Variants in SMARCB1 observed in about 807,000 individuals in gnomAD.
The protein encoded by SMARCB1 is SWI/SNF-related matrix-associated actin-dependent regulator of chromatin subfamily B member 1.
Under a neutral mutation model 49.0 loss-of-function variants are expected in SMARCB1, and 5 were observed. That is an observed-to-expected ratio of 0.10 (90% CI 0.05 to 0.21). The LOEUF (loss-of-function observed/expected upper bound fraction) is 0.21. SMARCB1 is among the 10% of genes least tolerant of loss of function. The pLI, the probability that SMARCB1 is intolerant of heterozygous loss-of-function variation, is 1.00. For missense variants in SMARCB1, 226 were observed against 509.2 expected (o/e 0.44, Z 5.35); for synonymous variants, 201 against 200.1 (o/e 1.00, Z -0.04).
chr22:23,801,194 C>T (rs763511466), intron 4 of SMARCB1, 113 bp downstream of exon 4: 2 of 1,445,152 alleles, frequency 1.4e-6, no homozygotes, highest in Middle Eastern at 3.4e-4. Flanking sequence ...GTGCTCCCCA[C>T]AACGCCACAG....
At chr22:23,789,529 G>C (rs1006104718) in intron 1 of SMARCB1, among the ~76,000 whole-genome samples, 1 of 152,148 alleles carries the variant, frequency 6.6e-6, no homozygotes, top group East Asian at 1.9e-4. Flanking sequence ...CCTTGCTGTC[G>C]TGTTTCTCAT....
In SMARCB1 at chr22:23,825,345, G is replaced by A; in HGVS notation, c.916G>A (p.Glu306Lys). 6.2e-7 allele frequency: 1 copy of A among 1,614,168 alleles called. No homozygotes were observed. Among genetic ancestry groups the A allele is most frequent in the South Asian group, 1.1e-5 (1 of 91,088 alleles). ...KLCSELGLGGEFVTTIAYSIR... is the reference protein window; with the variant it reads ...KLCSELGLGGKFVTTIAYSIR... The stretch of plus-strand genomic sequence containing the variant: ...GTGCTCGGAGCTGGGGTTGGGCGGG[G>A]AGTTTGTCACCACCATCGCATACAG... The change falls in exon 7 of 9, where the codon GAG becomes AAG. Residue 306 changes from glutamate (E) to lysine (K), a missense_variant. Transcript: ENST00000644036.
In SMARCB1 at chr22:23,801,059, A is replaced by G. The variant is rs2145978771; in HGVS notation, c.478A>G (p.Lys160Glu). The G allele has an allele frequency of 6.2e-7, 1 of 1,614,158 alleles. No individual in the cohort carries two copies. Among genetic ancestry groups the G allele is most frequent in the Non-Finnish European group, 8.5e-7 (1 of 1,180,012 alleles). The change falls in exon 4 of 9, where the codon AAG becomes GAG. Residue 160 changes from lysine to glutamate, a missense_variant. Transcript: ENST00000644036. ...TINRNRMGRD[K>E]KRTFPLCFDD... ...CAACAGGAACCGCATGGGCCGAGAC[A>G]AGAAGAGAACCTTCCCCCTTTGGTG...
At chr22:23,814,698 C>T (rs1232880417) in intron 5 of SMARCB1, among the ~76,000 whole-genome samples, 4 of 151,120 alleles carry the variant, frequency 2.6e-5, no homozygotes, top group African/African-American at 9.8e-5. Flanking sequence ...AGGCTGGGCA[C>T]AGTGGCTCAC....
intron 7 of SMARCB1, 70 bp downstream of exon 7, chr22:23,825,485 G>A (rs1869399860): frequency 9.5e-6 from 13 of 1,370,144 alleles, no homozygotes; most frequent in Admixed American, 1.8e-5. Context: ...ACTTCTCTGT[G>A]TGAGCGGTGA....
intron 3 of SMARCB1, among the ~76,000 whole-genome samples, chr22:23,798,581 G>T (rs1289211258): frequency 2.0e-5 from 3 of 152,086 alleles, no homozygotes; most frequent in African/African-American, 7.2e-5. Flanking sequence ...CAGCGATCAA[G>T]GGGTAGTCCC....
Position 23,825,391 on chromosome 22 carries a change from G to A in SMARCB1, c.962G>A (p.Trp321Ter). Residue 321 changes from tryptophan to a stop codon, truncating the protein, a stop_gained, in exon 7 of 9, where the codon TGG becomes TAG. Coordinates refer to ENST00000644036, the MANE Select transcript of SMARCB1 (RefSeq NM_003073.5). LOFTEE classifies it high-confidence loss of function. ...IAYSIRGQLS[W>*]HQKTYAFSEN... ...TACAGCATCCGGGGACAGCTGAGCTGGCATCAGAAGACCTACGCCTTCAGG... is the reference window on the plus strand; with the variant it reads ...TACAGCATCCGGGGACAGCTGAGCTAGCATCAGAAGACCTACGCCTTCAGG... 1 of 1,614,110 alleles carries A rather than the reference G, an allele frequency of 6.2e-7. No homozygotes were observed. Among genetic ancestry groups the A allele is most frequent in the Non-Finnish European group, 8.5e-7 (1 of 1,179,942 alleles).
chr22:23,832,937 G>A (rs1039680950), intron 7 of SMARCB1, among the ~76,000 whole-genome samples: 2 of 152,156 alleles, frequency 1.3e-5, no homozygotes, highest in Non-Finnish European at 2.9e-5. Flanking sequence ...GCAGAGTGTG[G>A]TCCGGGGATA....
intron 7 of SMARCB1, among the ~76,000 whole-genome samples, chr22:23,827,796 T>C (rs1305680049): frequency 6.6e-6 from 1 of 152,126 alleles, no homozygotes; most frequent in African/African-American, 2.4e-5. Flanking sequence ...GACAGGGCCT[T>C]AGGGTTGGGC....
At chr22:23,821,515 A>G (rs2030085920) in intron 6 of SMARCB1, among the ~76,000 whole-genome samples, 1 of 151,620 alleles carries the variant, frequency 6.6e-6, no homozygotes, top group Non-Finnish European at 1.5e-5. Flanking sequence ...AACTATAAGC[A>G]CGTACCACCA....
chr22:23,803,775 C>CT (rs1437321423), intron 5 of SMARCB1: 1 of 379,600 alleles, frequency 2.6e-6, no homozygotes, highest in African/African-American at 2.1e-5. Context: ...GTCCACCACT[C>CT]TGCTTCTGCT....
At chr22:23,802,301 T>G (rs1929210074) in intron 4 of SMARCB1, 1 of 152,798 alleles carries the variant, frequency 6.5e-6, no homozygotes, top group Non-Finnish European at 1.5e-5. Flanking sequence ...AACGTCCTCA[T>G]TGCTGTCAGA....
chr22:23,793,801 G>C, intron 3 of SMARCB1, 113 bp downstream of exon 3: 1 of 894,754 alleles, frequency 1.1e-6, no homozygotes, highest in Non-Finnish European at 1.7e-6. Context: ...TTTTTTTTGA[G>C]ATGGAATCTT....
At chr22:23,814,374 A>T (rs1350046886) in intron 5 of SMARCB1, among the ~76,000 whole-genome samples, 1 of 152,236 alleles carries the variant, frequency 6.6e-6, no homozygotes, top group African/African-American at 2.4e-5. Flanking sequence ...TTAGACAATC[A>T]TAGGCAAGTA....
At position 23,835,168 on chromosome 22, in the gene SMARCB1, C is replaced by T; in HGVS notation, c.*988C>T. The T allele has an allele frequency of 1.5e-6, 2 of 1,303,550 alleles. No homozygotes were observed. The highest frequency in any genetic ancestry group is 9.7e-7 in the Non-Finnish European group (1 of 1,028,716). 80.7% of individuals were successfully genotyped at this position (1,303,550 alleles called of 1,614,324 possible). A position where few individuals can be genotyped will look rare whatever the true frequency, so the allele number is the denominator to read the frequency against. Reference sequence around the variant, plus strand: ...GTTGACACGGTACAGGGAGGAGACACAGCCCAGGGTCCCTTCCCAGCCCTG... The same window carrying T: ...GTTGACACGGTACAGGGAGGAGACATAGCCCAGGGTCCCTTCCCAGCCCTG... On this transcript the variant is annotated 3_prime_UTR_variant, in exon 9 of 9. Transcript: ENST00000644036.
intron 7 of SMARCB1, among the ~76,000 whole-genome samples, chr22:23,830,362 G>T (rs529856872): frequency 1.3e-5 from 2 of 152,290 alleles, no homozygotes; most frequent in South Asian, 4.1e-4. Context: ...TGAAGTAATT[G>T]TGGTTTTGAT....
At chr22:23,811,771 G>A (rs937828200) in intron 5 of SMARCB1, among the ~76,000 whole-genome samples, 2 of 152,162 alleles carry the variant, frequency 1.3e-5, no homozygotes, top group Admixed American at 1.3e-4. Context: ...GATAATCTAA[G>A]CTCTAATCTC....
intron 7 of SMARCB1, among the ~76,000 whole-genome samples, chr22:23,827,215 A>C (rs1415497462): frequency 2.0e-5 from 3 of 152,338 alleles, no homozygotes; most frequent in African/African-American, 7.2e-5. Context: ...CCCAGCATCC[A>C]GCCCCTACGG....
intron 5 of SMARCB1, among the ~76,000 whole-genome samples, chr22:23,807,342 C>T (rs1929556045): frequency 6.7e-6 from 1 of 149,994 alleles, no homozygotes; most frequent in South Asian, 2.1e-4. Context: ...TTGCTCACGC[C>T]TGAGGCTGAG....
Sources: gnomAD v4.1 joint callset for allele counts (sites outside exome capture counted in the v4.1 genomes callset) on GRCh38, gnomAD v4.1.1 for gene constraint, MANE v1.5 for transcripts, NCBI Gene and HGNC (gene_info 2026-07-23, HGNC 2026-07-21) for gene names.